Variants in MAN2A1 observed in about 807,000 individuals in gnomAD.
MAN2A1 encodes the protein mannosidase alpha class 2A member 1, also known as alpha-mannosidase 2.
MAN2A1 carries 76 observed loss-of-function variants against 142.6 expected under a neutral mutation model. That is an observed-to-expected ratio of 0.53 (90% CI 0.44 to 0.65). The LOEUF is 0.65. Ranked by LOEUF, MAN2A1 falls within the 30% of genes least tolerant of loss-of-function variation. MAN2A1 has a pLI of 0.00. For synonymous variants in MAN2A1, 559 were observed against 473.2 expected (o/e 1.18, Z -2.35); for missense variants, 1,311 against 1,365.1 (o/e 0.96, Z 0.62).
chr5:109,840,959 A>T (rs1330566062), intron 16 of MAN2A1, among the ~76,000 whole-genome samples: 1 of 152,030 alleles, frequency 6.6e-6, no homozygotes, highest in African/African-American at 2.4e-5. Context: ...AGCTCTGGGG[A>T]TTCTACTTGT....
At chr5:109,821,703 A>G (rs1034182520) in intron 15 of MAN2A1, among the ~76,000 whole-genome samples, 2 of 151,956 alleles carry the variant, frequency 1.3e-5, no homozygotes, top group Non-Finnish European at 2.9e-5. Flanking sequence ...TTTATCTTTC[A>G]TATTTCTTTT....
At chr5:109,719,567 C>G (rs1262513155) in intron 3 of MAN2A1, among the ~76,000 whole-genome samples, 1 of 152,036 alleles carries the variant, frequency 6.6e-6, no homozygotes, top group East Asian at 1.9e-4. Context: ...AGTGTTCTTT[C>G]TAAATGAGAT....
chr5:109,829,787 A>T (rs970851387), intron 16 of MAN2A1, among the ~76,000 whole-genome samples: 3 of 152,216 alleles, frequency 2.0e-5, no homozygotes, highest in African/African-American at 7.2e-5. Context: ...TTTTTCAGTC[A>T]GAATTGTATA....
At position 109,757,219 on chromosome 5, in the gene MAN2A1, C is replaced by G. The variant is rs190313215; in HGVS notation, c.835+1763C>G. Among the ~76,000 whole-genome samples, 1,030 of 152,178 alleles carry G rather than the reference C, an allele frequency of 6.8e-3. 1 individual carries two copies. The highest frequency in any genetic ancestry group is 0.011 in the Non-Finnish European group (715 of 67,994). ...ACCTGAAGGTGGTCTTGGGGACCCT[C>G]TCTACACAATGCCCTTTTTCTTAAA... is the stretch of plus-strand genomic sequence containing the variant. On this transcript the variant is annotated intron_variant, in intron 5 of 21. Coordinates refer to ENST00000261483, the MANE Select transcript of MAN2A1 (RefSeq NM_002372.4).
chr5:109,690,268 G>T lies in MAN2A1; in HGVS notation c.-150G>T. Reference sequence around the variant, plus strand: ...GTGGTGGCGCCGGAGACTAGGTGCGGAGCAAGGCGGGGACTCGCACCCGCA... The same window carrying T: ...GTGGTGGCGCCGGAGACTAGGTGCGTAGCAAGGCGGGGACTCGCACCCGCA... On this transcript the variant is annotated 5_prime_UTR_variant, in exon 1 of 22. Coordinates refer to ENST00000261483, the MANE Select transcript of MAN2A1 (RefSeq NM_002372.4). 1.3e-6 allele frequency: 1 copy of T among 746,784 alleles called. No homozygotes were observed. The allele number at this position is 746,784 out of a possible 1,614,324, so 46.3% of individuals were successfully genotyped here. A position where few individuals can be genotyped will look rare whatever the true frequency, so the allele number is the denominator to read the frequency against.
chr5:109,707,170 A>G (rs77110136), intron 1 of MAN2A1, among the ~76,000 whole-genome samples: 2,864 of 152,256 alleles, frequency 0.019, 35 homozygotes, highest in Middle Eastern at 0.071. Context: ...GTCCCATTCT[A>G]TGTTATTTCC....
intron 8 of MAN2A1, among the ~76,000 whole-genome samples, chr5:109,777,987 A>G (rs1031872778): frequency 2.2e-4 from 34 of 151,996 alleles, no homozygotes; most frequent in Admixed American, 1.8e-3. Flanking sequence ...TCTGATAGTA[A>G]AAGTCTTCCA....
In MAN2A1 at chr5:109,781,387, TA is replaced by T. The variant is rs1561508941; in HGVS notation, c.1375-5del. 1.3e-6 allele frequency: 2 copies of T among 1,560,352 alleles called. No homozygotes were observed. The highest frequency in any genetic ancestry group is 2.8e-5 in the African/African-American group (2 of 72,686). The stretch of plus-strand genomic sequence containing the variant: ...AATGAATAATTGAAGTGCATTTTTT[TA>T]AAACTAGATACAGTTTGGAACTTTA... On this transcript the variant is annotated splice_region_variant and splice_polypyrimidine_tract_variant and intron_variant, in intron 8 of 21. Transcript: ENST00000261483.
At chr5:109,778,537 G>T (rs936017851) in intron 8 of MAN2A1, among the ~76,000 whole-genome samples, 2 of 151,972 alleles carry the variant, frequency 1.3e-5, no homozygotes, top group African/African-American at 4.8e-5. Flanking sequence ...TTTACAGAGT[G>T]TTTTTTCATG....
rs182162290 is a variant in MAN2A1 at position 109,690,398 on chromosome 5, C to A, written c.-20C>A. The A allele has an allele frequency of 6.2e-7, 1 of 1,613,912 alleles. No individual in the cohort carries two copies. ...CCTTTGGCTGAGGAGAGTGTCCTGG[C>A]CCCGAGTCTATCGAGGAAAATGAAG... On this transcript the variant is annotated 5_prime_UTR_variant, in exon 1 of 22. Coordinates refer to ENST00000261483, the MANE Select transcript of MAN2A1 (RefSeq NM_002372.4).
At chr5:109,843,522 T>G (rs1374657105) in intron 17 of MAN2A1, among the ~76,000 whole-genome samples, 1 of 152,196 alleles carries the variant, frequency 6.6e-6, no homozygotes, top group Admixed American at 6.5e-5. Flanking sequence ...TCCCTATATA[T>G]TGGTTTAATG....
rs148478630 is a variant in MAN2A1, at chr5:109,783,229, A to T, written c.1578-1515A>T. 5.0e-3 allele frequency among the ~76,000 whole-genome samples: 767 copies of T among 152,270 alleles called. 7 individuals are homozygous for T. Among genetic ancestry groups the T allele is most frequent in the African/African-American group, 0.017 (723 of 41,576 alleles). ...ATTTGGAAAATCCTGCTGCATTAAA[A>T]CAAACCAAAAAACCATACAATAGTT... On this transcript the variant is annotated intron_variant, in intron 9 of 21. Transcript: ENST00000261483.
Position 109,743,957 on chromosome 5 carries a change from C to T in MAN2A1, c.708-11372C>T, listed in dbSNP as rs141114611. 2.6e-5 allele frequency among the ~76,000 whole-genome samples: 4 copies of T among 152,234 alleles called. No homozygotes were observed. The East Asian group carries it at 7.8e-4, about 30-fold the overall frequency. ...CTGCTTCACACTCTACTCAGGCATTCTGAGCCACGGGTGTCCTCAGACACA... is the reference window on the plus strand; with the variant it reads ...CTGCTTCACACTCTACTCAGGCATTTTGAGCCACGGGTGTCCTCAGACACA... On this transcript the variant is annotated intron_variant, in intron 4 of 21. Coordinates refer to ENST00000261483, the MANE Select transcript of MAN2A1 (RefSeq NM_002372.4).
Position 109,804,797 on chromosome 5 carries a change from C to T in MAN2A1, c.1944-12476C>T, listed in dbSNP as rs539585881. ...ACACAGGATAGATTTCATTTGTCAACACAGATATAGACAGTGAATACAAAC... is the reference window on the plus strand; with the variant it reads ...ACACAGGATAGATTTCATTTGTCAATACAGATATAGACAGTGAATACAAAC... On this transcript the variant is annotated intron_variant, in intron 12 of 21. Coordinates refer to ENST00000261483, the MANE Select transcript of MAN2A1 (RefSeq NM_002372.4). Among the ~76,000 whole-genome samples the T allele has an allele frequency of 2.0e-5, 3 of 152,260 alleles. No homozygotes were observed. The East Asian group carries it at 5.8e-4, about 29-fold the overall frequency.
rs942136781 is a variant in MAN2A1 at position 109,826,015 on chromosome 5, C to T, written c.2566+2178C>T. 2.0e-5 allele frequency among the ~76,000 whole-genome samples: 3 copies of T among 147,308 alleles called. No individual in the cohort carries two copies. In the Admixed American group the frequency reaches 2.1e-4, roughly 10 times the overall value. ...TCTGCCCCACTGGTTCAAGGATTCT[C>T]CTGCCTCAGCTTCCTAGGTAGCTGG... On this transcript the variant is annotated intron_variant, in intron 16 of 21. Transcript: ENST00000261483.
chr5:109,718,905 A>AT (rs1751527424), intron 3 of MAN2A1, among the ~76,000 whole-genome samples: 1 of 152,042 alleles, frequency 6.6e-6, no homozygotes, highest in Non-Finnish European at 1.5e-5. Context: ...AGGATGAAAC[A>AT]TTTGACTTAT....
chr5:109,698,620 C>A (rs1750882734), intron 1 of MAN2A1, among the ~76,000 whole-genome samples: 1 of 152,188 alleles, frequency 6.6e-6, no homozygotes, highest in Non-Finnish European at 1.5e-5. Flanking sequence ...GCCTCCTTTG[C>A]AGGTGGTGCC....
chr5:109,735,812 A>T (rs980820724), intron 4 of MAN2A1, among the ~76,000 whole-genome samples: 3 of 151,320 alleles, frequency 2.0e-5, no homozygotes, highest in African/African-American at 7.3e-5. Context: ...TTGGATTTTG[A>T]TGAAAATTGA....
intron 7 of MAN2A1, among the ~76,000 whole-genome samples, chr5:109,772,317 C>T (rs976862088): frequency 3.3e-5 from 5 of 151,752 alleles, no homozygotes; most frequent in Middle Eastern, 3.4e-3. Flanking sequence ...TGCAGTGAGC[C>T]GAGATCTCTC....
Sources: allele counts gnomAD v4.1 joint callset (sites outside exome capture counted in the v4.1 genomes callset), GRCh38; gene constraint gnomAD v4.1.1; transcripts MANE v1.5; gene names NCBI Gene and HGNC (gene_info 2026-07-23, HGNC 2026-07-21).